The following OR2B11 variants were observed in gnomAD, a reference collection of about 807,000 sequenced individuals.
The protein encoded by OR2B11 is olfactory receptor 2B11.
For missense variants in OR2B11, 422 were observed against 400.0 expected, an observed-to-expected ratio of 1.05 and a Z score of -0.47; for synonymous variants, 198 against 174.5, an observed-to-expected ratio of 1.13 and a Z score of -1.06.
intron 1 of OR2B11, 76 bp downstream of exon 1, chr1:247,457,563 T>C (rs1210621935): frequency 1.3e-5 from 2 of 152,326 alleles, no homozygotes; most frequent in Non-Finnish European, 2.9e-5. Context: ...TAGCCCAGTG[T>C]TAATACTGCC....
In OR2B11 at chr1:247,454,937, G is replaced by A. The variant is rs10925033; in HGVS notation, c.-2955C>T. 114,240 of 152,108 alleles carry A rather than the reference G, an allele frequency of 0.75. 43,203 individuals are homozygous for A. The highest frequency in any genetic ancestry group is 0.94 in the East Asian group (4,850 of 5,166). The allele number at this position is 152,108 out of a possible 1,614,324, so 9.4% of individuals were successfully genotyped here. A position where few individuals can be genotyped will look rare whatever the true frequency, so the allele number is the denominator to read the frequency against. On this transcript the variant is annotated 5_prime_UTR_variant, in exon 2 of 2. It adds an upstream start codon to the 5' untranslated region. Transcript: ENST00000641149. Reference sequence around the variant, plus strand: ...TCAATTACCAAAAACGTAAGAACCCGTCGCTCAAGAGTTACCTGCTGATTG... The same window carrying A: ...TCAATTACCAAAAACGTAAGAACCCATCGCTCAAGAGTTACCTGCTGATTG...
In OR2B11 at chr1:247,452,395, A is replaced by C; in HGVS notation, c.-413T>G. The C allele has an allele frequency of 5.7e-6, 1 of 175,868 alleles. No homozygotes were observed. The highest frequency in any genetic ancestry group is 1.2e-5 in the Non-Finnish European group (1 of 81,060). The allele number at this position is 175,868 out of a possible 1,614,324, so 10.9% of individuals were successfully genotyped here. ...GCTCCCATCACCGTCAGAGTGTTTG[A>C]TTTCTCTCTACATCCACATCGACAA... On this transcript the variant is annotated 5_prime_UTR_variant, in exon 2 of 2. Transcript: ENST00000641149.
At chr1:247,456,394 A>G (rs1186827236) in intron 1 of OR2B11, among the ~76,000 whole-genome samples, 2 of 152,098 alleles carry the variant, frequency 1.3e-5, no homozygotes, top group African/African-American at 4.8e-5. Context: ...TGATCCTCCC[A>G]CCTTGGCCTC....
In OR2B11 at chr1:247,451,909, G is replaced by C; in HGVS notation, c.74C>G (p.Pro25Arg). The C allele has an allele frequency of 8.1e-6, 13 of 1,614,008 alleles. No homozygotes were observed. Among genetic ancestry groups the C allele is most frequent in the Admixed American group, 3.3e-5 (2 of 60,020 alleles). Residue 25 changes from proline to arginine, a missense_variant, in exon 2 of 2, where the codon CCG becomes CGG. Coordinates refer to ENST00000641149, the MANE Select transcript of OR2B11 (RefSeq NM_001004492.2). ...AFILLGVSDR[P>R]WLELPLFVVL... is the part of the protein sequence containing the mutation. ...CACAAAGAGAGGGAGTTCCAGCCAC[G>C]GCCTGTCAGACACACCCAGAAGGAT...
chr1:247,455,601 C>G (rs557718674), intron 1 of OR2B11, among the ~76,000 whole-genome samples: 1 of 152,184 alleles, frequency 6.6e-6, no homozygotes, highest in Admixed American at 6.5e-5. Context: ...ACAATCGAGA[C>G]GTTAGCTGGC....
chr1:247,455,946 G>A (rs1257010480), intron 1 of OR2B11, among the ~76,000 whole-genome samples: 1 of 152,156 alleles, frequency 6.6e-6, no homozygotes, highest in Non-Finnish European at 1.5e-5. Flanking sequence ...TATGCCTATT[G>A]CCACAGTGGA....
At chr1:247,457,230 A>G (rs1193288213) in intron 1 of OR2B11, among the ~76,000 whole-genome samples, 1 of 152,068 alleles carries the variant, frequency 6.6e-6, no homozygotes, top group African/African-American at 2.4e-5. Context: ...GGGGACTGAT[A>G]CGATTCAGCT....
In OR2B11 at chr1:247,451,175, A is replaced by G. The variant is rs370314539; in HGVS notation, c.808T>C (p.Tyr270His). The change falls in exon 2 of 2, where the codon TAC becomes CAC. Residue 270 changes from tyrosine to histidine, a missense_variant. Coordinates refer to ENST00000641149, the MANE Select transcript of OR2B11 (RefSeq NM_001004492.2). ...IYMYLQPPSSYSQEQGKFISL... is the reference protein window; with the variant it reads ...IYMYLQPPSSHSQEQGKFISL... ...ATAAATTTGCCCTGCTCTTGGGAGT[A>G]GCTGGAAGGGGGCTGCAGATACATG... 2.3e-5 allele frequency: 35 copies of G among 1,554,860 alleles called. No individual in the cohort carries two copies. Among genetic ancestry groups the G allele is most frequent in the Non-Finnish European group, 3.0e-5 (35 of 1,149,256 alleles).
rs1664881578 is a variant in OR2B11, at chr1:247,452,924, A to G, written c.-942T>C. On this transcript the variant is annotated 5_prime_UTR_variant, in exon 2 of 2. Coordinates refer to ENST00000641149, the MANE Select transcript of OR2B11 (RefSeq NM_001004492.2). ...GCCGAGCAGCTGTCACCTCTCAGTGATAGAAAACAGCCAATTTGATTTCTG... is the reference window on the plus strand; with the variant it reads ...GCCGAGCAGCTGTCACCTCTCAGTGGTAGAAAACAGCCAATTTGATTTCTG... The G allele has an allele frequency of 6.6e-6, 1 of 152,156 alleles. No homozygotes were observed. The highest frequency in any genetic ancestry group is 1.5e-5 in the Non-Finnish European group (1 of 68,032). 9.4% of individuals were successfully genotyped at this position (152,156 alleles called of 1,614,324 possible). A position where few individuals can be genotyped will look rare whatever the true frequency, so the allele number is the denominator to read the frequency against.
rs1295842038 is a variant in OR2B11, at chr1:247,452,849, G to A, written c.-867C>T. Reference sequence around the variant, plus strand: ...AGATCAGACTGCCCTCTAGGGCTAGGTTTTATCTGATGGCTTGAGTGACAT... The same window carrying A: ...AGATCAGACTGCCCTCTAGGGCTAGATTTTATCTGATGGCTTGAGTGACAT... On this transcript the variant is annotated 5_prime_UTR_variant, in exon 2 of 2. Transcript: ENST00000641149. 6.6e-6 allele frequency: 1 copy of A among 152,210 alleles called. No individual in the cohort carries two copies. Among genetic ancestry groups the A allele is most frequent in the Non-Finnish European group, 1.5e-5 (1 of 68,028 alleles). 9.4% of individuals were successfully genotyped at this position (152,210 alleles called of 1,614,324 possible). A position where few individuals can be genotyped will look rare whatever the true frequency, so the allele number is the denominator to read the frequency against.
rs1167162197 is a variant in OR2B11, at chr1:247,453,129, TA to T, written c.-1148del. Reference sequence around the variant, plus strand: ...ATATTATTAATAAACAATAATTAATTAATCATTATTCATAATAAATCCTGTA... The same window carrying T: ...ATATTATTAATAAACAATAATTAATTATCATTATTCATAATAAATCCTGTA... On this transcript the variant is annotated 5_prime_UTR_variant, in exon 2 of 2. It removes the in-frame stop codon of an upstream open reading frame in the 5' UTR. Coordinates refer to ENST00000641149, the MANE Select transcript of OR2B11 (RefSeq NM_001004492.2). 6.6e-6 allele frequency: 1 copy of T among 152,220 alleles called. No individual in the cohort carries two copies. The highest frequency in any genetic ancestry group is 1.5e-5 in the Non-Finnish European group (1 of 68,042). The allele number at this position is 152,220 out of a possible 1,614,324, so 9.4% of individuals were successfully genotyped here.
rs2103269171 is a variant in OR2B11, at chr1:247,458,077, C to A, written c.-3521G>T. ...CGCTCTCTGTTCATTTCAAAATTAT[C>A]CCTCAGATTTAACTTGACCTCATTC... On this transcript the variant is annotated 5_prime_UTR_variant, in exon 1 of 2. Coordinates refer to ENST00000641149, the MANE Select transcript of OR2B11 (RefSeq NM_001004492.2). 6.6e-6 allele frequency: 1 copy of A among 152,294 alleles called. No individual in the cohort carries two copies. The highest frequency in any genetic ancestry group is 1.9e-4 in the East Asian group (1 of 5,184). The allele number at this position is 152,294 out of a possible 1,614,324, so 9.4% of individuals were successfully genotyped here.
chr1:247,451,714 C>T lies in OR2B11; in HGVS notation c.269G>A (p.Gly90Asp). ...ATAGCTGATGGTCTTCTGGGAACTG[C>T]CCATGTTGACCAGCATCTGAGGGAC... ...TTVPQMLVNM[G>D]SSQKTISYGG... is the part of the protein sequence containing the mutation. Residue 90 changes from glycine (G) to aspartate (D), a missense_variant, in exon 2 of 2, where the codon GGC becomes GAC. Coordinates refer to ENST00000641149, the MANE Select transcript of OR2B11 (RefSeq NM_001004492.2). 6.2e-7 allele frequency: 1 copy of T among 1,614,160 alleles called. No homozygotes were observed. Among genetic ancestry groups the T allele is most frequent in the Non-Finnish European group, 8.5e-7 (1 of 1,179,990 alleles).
rs1345774332 is a variant in OR2B11, at chr1:247,451,361, C to T, written c.622G>A (p.Ala208Thr). 1 of 1,614,044 alleles carries T rather than the reference C, an allele frequency of 6.2e-7. No homozygotes were observed. Among genetic ancestry groups the T allele is most frequent in the African/African-American group, 1.3e-5 (1 of 74,918 alleles). The change falls in exon 2 of 2, where the codon GCC (alanine) becomes ACC (threonine). Residue 208 changes from alanine (A) to threonine (T), a missense_variant. Physicochemically the swap from Ala to Thr is moderately conservative, Grantham distance 58. Coordinates refer to ENST00000641149, the MANE Select transcript of OR2B11 (RefSeq NM_001004492.2). Reference protein sequence around the residue: ...VNDTILAVLVAFFVLVPLALI... With the variant: ...VNDTILAVLVTFFVLVPLALI... ...GCCAGGGGCACCAACACGAAGAAGG[C>T]CACCAGCACAGCCAGTATGGTGTCA...
rs770478402 is a variant in OR2B11, at chr1:247,451,512, G to A, written c.471C>T (p.Phe157=). 95 of 1,614,072 alleles carry A rather than the reference G, an allele frequency of 5.9e-5. No homozygotes were observed. The highest frequency in any genetic ancestry group is 1.6e-4 in the Middle Eastern group (1 of 6,084). Residue 157 remains phenylalanine, a synonymous_variant, in exon 2 of 2, where the codon TTC becomes TTT. Coordinates refer to ENST00000641149, the MANE Select transcript of OR2B11 (RefSeq NM_001004492.2). ...QLVALAWLSG[F]GNSFVQVVLT... is the part of the protein sequence containing the mutation. ...GGACCACCTGCACGAAGGAGTTGCC[G>A]AAGCCACTGAGCCAGGCCAGAGCCA... is the stretch of plus-strand genomic sequence containing the variant.
At position 247,451,987 on chromosome 1, in the gene OR2B11, C is replaced by T. The variant is rs1185131573; in HGVS notation, c.-5G>A. The T allele has an allele frequency of 1.4e-5, 22 of 1,578,326 alleles. No homozygotes were observed. Among genetic ancestry groups the T allele is most frequent in the African/African-American group, 6.7e-5 (5 of 74,114 alleles). On this transcript the variant is annotated 5_prime_UTR_variant, in exon 2 of 2. Coordinates refer to ENST00000641149, the MANE Select transcript of OR2B11 (RefSeq NM_001004492.2). The stretch of plus-strand genomic sequence containing the variant: ...GCTATGGTTGTCACTTTTCATGTTG[C>T]GGCATTTTCTGGCACTTGTGGCAAA...
Position 247,452,122 on chromosome 1 carries a change from C to G in OR2B11, c.-140G>C. 1 of 627,640 alleles carries G rather than the reference C, an allele frequency of 1.6e-6. No individual in the cohort carries two copies. 38.9% of individuals were successfully genotyped at this position (627,640 alleles called of 1,614,324 possible). ...ATAGCCTGTTTGATTCTCCTTACCT[C>G]TGTGGAGACGCTGGGATGCGGAAGG... On this transcript the variant is annotated 5_prime_UTR_variant, in exon 2 of 2. Transcript: ENST00000641149.
Position 247,449,325 on chromosome 1 carries a change from C to G in OR2B11, c.*1704G>C, listed in dbSNP as rs1159324361. On this transcript the variant is annotated 3_prime_UTR_variant, in exon 2 of 2. Coordinates refer to ENST00000641149, the MANE Select transcript of OR2B11 (RefSeq NM_001004492.2). The stretch of plus-strand genomic sequence containing the variant: ...GTTTGAGAGTATCAGAGCCTGCGCT[C>G]CTAACTAGAAGTATTATGTAGAAGA... The G allele has an allele frequency of 6.6e-6, 1 of 150,946 alleles. No homozygotes were observed. Among genetic ancestry groups the G allele is most frequent in the Non-Finnish European group, 1.5e-5 (1 of 67,622 alleles). 9.4% of individuals were successfully genotyped at this position (150,946 alleles called of 1,614,324 possible).
Position 247,451,127 on chromosome 1 carries a change from T to G in OR2B11, c.856A>C (p.Thr286Pro). The G allele has an allele frequency of 6.6e-7, 1 of 1,521,286 alleles. No homozygotes were observed. Among genetic ancestry groups the G allele is most frequent in the Non-Finnish European group, 8.8e-7 (1 of 1,134,114 alleles). The allele number at this position is 1,521,286 out of a possible 1,614,324, so 94.2% of individuals were successfully genotyped here. Residue 286 changes from threonine to proline, a missense_variant, in exon 2 of 2, where the codon ACC (threonine) becomes CCC (proline). Physicochemically the swap from Thr to Pro is conservative, Grantham distance 38. Transcript: ENST00000641149. ...TAGGTGAAGGGATTGAGAGTGGGGG[T>G]GATTATGGAATAGAAGAGAGAAATA... is the stretch of plus-strand genomic sequence containing the variant. ...KFISLFYSII[T>P]PTLNPFTYTL... is the part of the protein sequence containing the mutation.
Sources: allele counts gnomAD v4.1 joint callset (sites outside exome capture counted in the v4.1 genomes callset), GRCh38; gene constraint gnomAD v4.1.1; transcripts MANE v1.5; gene names NCBI Gene and HGNC (gene_info 2026-07-23, HGNC 2026-07-21).